The following RPSA2 variants were observed in gnomAD, a reference collection of about 807,000 sequenced individuals.
RPSA2 encodes small ribosomal subunit protein uS2B.
the RPSA2 span, among the ~76,000 whole-genome samples, chr19:23,824,117 G>A: frequency 1.3e-5 from 2 of 152,210 alleles, no homozygotes; most frequent in African/African-American, 4.8e-5. Context: ...CCATCTAGTG[G>A]CACAAGGCTC....
chr19:23,795,087 A>G, the RPSA2 span, among the ~76,000 whole-genome samples: 15 of 151,994 alleles, frequency 9.9e-5, 1 homozygote, highest in Non-Finnish European at 1.0e-4. Context: ...GCTCTGTAGT[A>G]TAATTTGAAG....
chr19:23,870,734 G>A, the RPSA2 span, among the ~76,000 whole-genome samples: 3 of 152,234 alleles, frequency 2.0e-5, no homozygotes, highest in Admixed American at 2.0e-4. Context: ...TTGCCAATCA[G>A]AAAATAAAGC....
chr19:23,789,325 T>C, the RPSA2 span, among the ~76,000 whole-genome samples: 3,327 of 152,228 alleles, frequency 0.022, 128 homozygotes, highest in African/African-American at 0.076. Flanking sequence ...AGCCATCTTA[T>C]AGAAATAGAT....
chr19:23,852,440 C>T, the RPSA2 span, among the ~76,000 whole-genome samples: 1 of 152,110 alleles, frequency 6.6e-6, no homozygotes, highest in African/African-American at 2.4e-5. Context: ...AGAGATTTAC[C>T]TACGTATTTA....
chr19:23,758,712 C>A, the RPSA2 span: 1 of 1,614,206 alleles, frequency 6.2e-7, no homozygotes, highest in Non-Finnish European at 8.5e-7. Context: ...ACAGCCCCTT[C>A]CCCTCTCTCG....
chr19:23,801,239 T>G, the RPSA2 span, among the ~76,000 whole-genome samples: 3 of 148,954 alleles, frequency 2.0e-5, no homozygotes, highest in Non-Finnish European at 4.4e-5. Flanking sequence ...AGTCTTTTTT[T>G]TTTTAGGGGA....
chr19:23,760,434 T>C, the RPSA2 span, among the ~76,000 whole-genome samples: 1 of 152,070 alleles, frequency 6.6e-6, no homozygotes, highest in African/African-American at 2.4e-5. Flanking sequence ...TAGACTTCCA[T>C]GTCATGAACG....
At chr19:23,838,901 G>A in the RPSA2 span, among the ~76,000 whole-genome samples, 3 of 151,968 alleles carry the variant, frequency 2.0e-5, no homozygotes. Context: ...GCAGCTCTTT[G>A]TTTCATTTAC....
the RPSA2 span, among the ~76,000 whole-genome samples, chr19:23,794,159 C>T: frequency 6.6e-6 from 1 of 152,158 alleles, no homozygotes; most frequent in Non-Finnish European, 1.5e-5. Context: ...CTGCAGTGAA[C>T]ACGCTTGTGC....
At chr19:23,761,903 T>C in the RPSA2 span, among the ~76,000 whole-genome samples, 10,300 of 33,938 alleles carry the variant, frequency 0.3, 1,116 homozygotes, top group East Asian at 0.5. Flanking sequence ...GTAACGTAAT[T>C]CTTTCTTTCT....
At chr19:23,766,142 C>CTTTTTT in the RPSA2 span, among the ~76,000 whole-genome samples, 124 of 43,282 alleles carry the variant, frequency 2.9e-3, 49 homozygotes, top group African/African-American at 3.7e-3. Flanking sequence ...TATTTCATTT[C>CTTTTTT]CTTTTTTTTT....
the RPSA2 span, among the ~76,000 whole-genome samples, chr19:23,759,411 C>T: frequency 2.8e-4 from 42 of 151,778 alleles, no homozygotes; most frequent in African/African-American, 9.9e-4. Flanking sequence ...GGGTAGGAGC[C>T]ACCTTACACC....
At chr19:23,808,902 G>T in the RPSA2 span, 1 of 338,444 alleles carries the variant, frequency 3.0e-6, no homozygotes. Flanking sequence ...GGGAAGCTGT[G>T]TTCAAAAGGA....
the RPSA2 span, among the ~76,000 whole-genome samples, chr19:23,825,456 G>T: frequency 4.6e-5 from 7 of 152,158 alleles, no homozygotes; most frequent in Non-Finnish European, 5.9e-5. Context: ...TTTTCCAATA[G>T]AATTATCTCT....
At chr19:23,844,115 G>A in the RPSA2 span, among the ~76,000 whole-genome samples, 10 of 152,204 alleles carry the variant, frequency 6.6e-5, no homozygotes, top group South Asian at 2.1e-4. Flanking sequence ...ATAGCTCATC[G>A]TTGTTTTTGT....
At chr19:23,788,125 C>A in the RPSA2 span, among the ~76,000 whole-genome samples, 1 of 152,170 alleles carries the variant, frequency 6.6e-6, no homozygotes, top group Non-Finnish European at 1.5e-5. Flanking sequence ...TCTTTCTGTA[C>A]CTGTCCACAG....
chr19:23,798,592 G>A, the RPSA2 span, among the ~76,000 whole-genome samples: 2 of 151,846 alleles, frequency 1.3e-5, no homozygotes, highest in Non-Finnish European at 2.9e-5. Flanking sequence ...TTGAAATACA[G>A]TTACAGAAAT....
At chr19:23,808,734 A>G in the RPSA2 span, 140 of 771,944 alleles carry the variant, frequency 1.8e-4, 2 homozygotes, top group African/African-American at 2.4e-3. Flanking sequence ...ACTGTCTCTA[A>G]GCCAGACCTG....
the RPSA2 span, among the ~76,000 whole-genome samples, chr19:23,781,662 A>G: frequency 7.1e-3 from 1,080 of 152,258 alleles, 18 homozygotes; most frequent in African/African-American, 0.024. Context: ...TTGCAAAGGA[A>G]ATTGAGGCTC....
Sources: allele counts gnomAD v4.1 joint callset (sites outside exome capture counted in the v4.1 genomes callset), GRCh38; gene constraint gnomAD v4.1.1; transcripts MANE v1.5; gene names NCBI Gene and HGNC (gene_info 2026-07-23, HGNC 2026-07-21).